The following NPAS3 variants were observed in gnomAD, a reference collection of about 807,000 sequenced individuals.
NPAS3 encodes neuronal PAS domain-containing protein 3.
NPAS3 carries 14 observed loss-of-function variants against 73.1 expected under a neutral mutation model. The ratio of observed to expected loss-of-function variants is 0.19; its 90% confidence interval spans 0.13 to 0.30. The LOEUF (loss-of-function observed/expected upper bound fraction) is 0.30, where lower values mean the gene tolerates loss of function less well. Ranked by LOEUF, NPAS3 falls within the 10% of genes least tolerant of loss-of-function variation. The pLI is 1.00. For synonymous variants in NPAS3, 620 were observed against 541.5 expected (o/e 1.14, Z -2.01); for missense variants, 1,096 against 1,250.0 (o/e 0.88, Z 1.86).
chr14:33,284,747 T>C (rs1292543469), intron 3 of NPAS3, among the ~76,000 whole-genome samples: 8 of 145,174 alleles, frequency 5.5e-5, no homozygotes, highest in Non-Finnish European at 1.5e-5. Flanking sequence ...ATATTTCATA[T>C]CTATATATCT....
rs540477200 is a variant in NPAS3, at chr14:33,407,925, G to A, written c.468+40657G>A. 4.9e-4 allele frequency among the ~76,000 whole-genome samples: 75 copies of A among 152,156 alleles called. 1 individual carries two copies. Among genetic ancestry groups the A allele is most frequent in the African/African-American group, 1.4e-3 (59 of 41,536 alleles). On this transcript the variant is annotated intron_variant, in intron 4 of 11. Transcript: ENST00000356141. ...TCATAGCCTCCAATAATTCTCTCAC[G>A]TAGGTGGCTAAAATGAATAGAAAAA...
chr14:32,958,120 C>G (rs1595089099), intron 1 of NPAS3, among the ~76,000 whole-genome samples: 1 of 152,120 alleles, frequency 6.6e-6, no homozygotes. Flanking sequence ...TTTTTAATTG[C>G]CACCTAAAGA....
At position 33,647,290 on chromosome 14, in the gene NPAS3, C is replaced by CTCTCTA. The variant is rs1555427796; in HGVS notation, c.559-28920_559-28919insCTCTAT. On this transcript the variant is annotated intron_variant, in intron 5 of 11. Transcript: ENST00000356141. ...TCTTACTCTCTCTCTCTCTCTCTCT[C>CTCTCTA]TATATATATATATATATAGCCACAT... Among the ~76,000 whole-genome samples the CTCTCTA allele has an allele frequency of 6.8e-4, 101 of 147,502 alleles. 1 individual carries two copies. The highest frequency in any genetic ancestry group is 2.5e-3 in the African/African-American group (98 of 39,094).
chr14:33,629,722 G>C (rs961804471), intron 5 of NPAS3, among the ~76,000 whole-genome samples: 2 of 151,566 alleles, frequency 1.3e-5, no homozygotes, highest in Admixed American at 6.6e-5. Context: ...GTCTTCTGTC[G>C]AGTCCACAGC....
intron 2 of NPAS3, among the ~76,000 whole-genome samples, chr14:33,092,437 A>G (rs549386142): frequency 6.6e-6 from 1 of 152,274 alleles, no homozygotes; most frequent in East Asian, 1.9e-4. Flanking sequence ...CTTCAAGGAG[A>G]ACTACAAACC....
chr14:33,735,703 C>T (rs1266641366), intron 7 of NPAS3, among the ~76,000 whole-genome samples: 1 of 151,722 alleles, frequency 6.6e-6, no homozygotes, highest in African/African-American at 2.4e-5. Context: ...TCTCGCTTTC[C>T]CCTTCAAATT....
At chr14:33,495,173 G>T (rs1271421339) in intron 4 of NPAS3, among the ~76,000 whole-genome samples, 2 of 152,012 alleles carry the variant, frequency 1.3e-5, no homozygotes, top group African/African-American at 4.8e-5. Flanking sequence ...CTGGTACATT[G>T]TGTCTTTGTT....
At chr14:33,426,625 T>G (rs2048566362) in intron 4 of NPAS3, among the ~76,000 whole-genome samples, 1 of 151,806 alleles carries the variant, frequency 6.6e-6, no homozygotes. Flanking sequence ...GAGATTGAAG[T>G]GATGAACCAA....
chr14:33,061,702 G>A (rs1423204765), intron 2 of NPAS3, among the ~76,000 whole-genome samples: 1 of 152,110 alleles, frequency 6.6e-6, no homozygotes, highest in African/African-American at 2.4e-5. Flanking sequence ...CCACGGGTCA[G>A]GTGCTTTTCT....
At chr14:33,232,089 CA>C (rs1460774964) in intron 3 of NPAS3, among the ~76,000 whole-genome samples, 1 of 152,126 alleles carries the variant, frequency 6.6e-6, no homozygotes, top group African/African-American at 2.4e-5. Flanking sequence ...CAGAACCCCC[CA>C]AAATAGATTG....
At chr14:33,781,651 C>CT (rs779595904) in intron 9 of NPAS3, among the ~76,000 whole-genome samples, 12 of 152,256 alleles carry the variant, frequency 7.9e-5, no homozygotes, top group Admixed American at 3.3e-4. Flanking sequence ...GTTTTTCTTC[C>CT]TAGAGCTATT....
chr14:33,694,818 T>C (rs887070370), intron 6 of NPAS3, among the ~76,000 whole-genome samples: 1 of 152,208 alleles, frequency 6.6e-6, no homozygotes, highest in Non-Finnish European at 1.5e-5. Flanking sequence ...GAGAAATCCC[T>C]TTAAGTGTCA....
chr14:33,593,321 C>T (rs1396592714), intron 5 of NPAS3, among the ~76,000 whole-genome samples: 2 of 152,146 alleles, frequency 1.3e-5, no homozygotes, highest in African/African-American at 4.8e-5. Flanking sequence ...GCTCCAAAGC[C>T]CATTTCTTTT....
intron 1 of NPAS3, among the ~76,000 whole-genome samples, chr14:32,978,245 A>AC (rs1450708413): frequency 6.6e-6 from 1 of 152,100 alleles, no homozygotes. Context: ...TTCTGCTGTG[A>AC]CTGGAGGGTT....
chr14:33,651,418 C>T (rs754682680), intron 5 of NPAS3, among the ~76,000 whole-genome samples: 2 of 152,104 alleles, frequency 1.3e-5, no homozygotes, highest in Non-Finnish European at 2.9e-5. Context: ...GGATCCAGTT[C>T]CTTAAGTTGT....
At chr14:33,696,546 T>C (rs957435756) in intron 6 of NPAS3, among the ~76,000 whole-genome samples, 2 of 152,198 alleles carry the variant, frequency 1.3e-5, no homozygotes, top group Admixed American at 1.3e-4. Context: ...GGGTTTGTCT[T>C]GTGATTTTTA....
At chr14:33,132,471 G>C (rs867668177) in intron 2 of NPAS3, among the ~76,000 whole-genome samples, 1 of 152,110 alleles carries the variant, frequency 6.6e-6, no homozygotes, top group Non-Finnish European at 1.5e-5. Flanking sequence ...AAAATAATGA[G>C]ACTACAAGTT....
chr14:33,007,574 T>A (rs1248739376), intron 1 of NPAS3, among the ~76,000 whole-genome samples: 1 of 152,230 alleles, frequency 6.6e-6, no homozygotes, highest in Non-Finnish European at 1.5e-5. Flanking sequence ...TATTGTTTTG[T>A]TCTGCAGATG....
intron 3 of NPAS3, among the ~76,000 whole-genome samples, chr14:33,363,827 C>G (rs1419748898): frequency 2.0e-5 from 3 of 151,914 alleles, no homozygotes; most frequent in African/African-American, 7.3e-5. Flanking sequence ...ATAAACTGTT[C>G]AACTCCTATA....
Sources: allele counts gnomAD v4.1 joint callset (sites outside exome capture counted in the v4.1 genomes callset), GRCh38; gene constraint gnomAD v4.1.1; transcripts MANE v1.5; gene names NCBI Gene and HGNC (gene_info 2026-07-23, HGNC 2026-07-21).